C10orf71: variants seen among roughly 807,000 people sequenced by gnomAD.
The protein encoded by C10orf71 is cardiac-enriched FHL2-interacting protein.
For synonymous variants in C10orf71, 758 were observed against 726.3 expected, an observed-to-expected ratio of 1.04 and a Z score of -0.70; for missense variants, 1,869 against 1,804.5, an observed-to-expected ratio of 1.04 and a Z score of -0.65.
Position 49,323,090 on chromosome 10 carries a change from A to T in C10orf71, c.545A>T (p.Asn182Ile). 1 of 1,614,032 alleles carries T rather than the reference A, an allele frequency of 6.2e-7. No individual in the cohort carries two copies. Among genetic ancestry groups the T allele is most frequent in the Non-Finnish European group, 8.5e-7 (1 of 1,179,896 alleles). Reference sequence around the variant, plus strand: ...CCCAAATTCGCTCCTCTTCCAGAAAACAGTGTCAACTTCTGCTTCGATTCT... The same window carrying T: ...CCCAAATTCGCTCCTCTTCCAGAAATCAGTGTCAACTTCTGCTTCGATTCT... ...NPPKFAPLPE[N>I]SVNFCFDSAF... The change falls in exon 3 of 3, where the codon AAC becomes ATC. Residue 182 changes from asparagine (N) to isoleucine (I), a missense_variant. Coordinates refer to ENST00000374144, the MANE Select transcript of C10orf71 (RefSeq NM_001135196.2).
At chr10:49,319,422 T>G (rs1849053303) in intron 2 of C10orf71, among the ~76,000 whole-genome samples, 1 of 151,412 alleles carries the variant, frequency 6.6e-6, no homozygotes, top group Non-Finnish European at 1.5e-5. Context: ...TTGGTTGAAA[T>G]GAAAATTGGT....
rs1554859397 is a variant in C10orf71 at position 49,319,731 on chromosome 10, T to TATAC, written c.-144-2669_-144-2666dup. On this transcript the variant is annotated intron_variant, in intron 2 of 2. Coordinates refer to ENST00000374144, the MANE Select transcript of C10orf71 (RefSeq NM_001135196.2). ...ATATATATATATATATATATATATATATACACATACATATATGTGGGTGTA... is the reference window on the plus strand; with the variant it reads ...ATATATATATATATATATATATATATATACATACACATACATATATGTGGGTGTA... Among the ~76,000 whole-genome samples, 117 of 119,062 alleles carry TATAC rather than the reference T, an allele frequency of 9.8e-4. 3 individuals are homozygous for TATAC. Among genetic ancestry groups the TATAC allele is most frequent in the East Asian group, 6.0e-3 (22 of 3,662 alleles). 78.1% of individuals were successfully genotyped at this position (119,062 alleles called of 152,430 possible). A position where few individuals can be genotyped will look rare whatever the true frequency, so the allele number is the denominator to read the frequency against.
chr10:49,322,272 C>T, intron 2 of C10orf71, 130 bp from the exon 3 acceptor site: 1 of 383,196 alleles, frequency 2.6e-6, no homozygotes, highest in Non-Finnish European at 4.7e-6. Context: ...ACAGTCTATA[C>T]ATATAGCAAG....
In C10orf71 at chr10:49,326,133, G is replaced by A; in HGVS notation, c.3588G>A (p.Gln1196=). The change falls in exon 3 of 3, where the codon CAG becomes CAA. Residue 1196 remains glutamine (Q), a synonymous_variant. Transcript: ENST00000374144. ...CAAGTAAGAGGAGGAAGACGGATCA[G>A]GCTCAGGAGAAGCATGGCGAGTCAC... ...KLASKRRKTD[Q]AQEKHGESQE... is the part of the protein sequence containing the mutation. The A allele has an allele frequency of 6.4e-7, 1 of 1,551,710 alleles. No individual in the cohort carries two copies. Among genetic ancestry groups the A allele is most frequent in the Non-Finnish European group, 8.7e-7 (1 of 1,146,992 alleles).
In C10orf71 at chr10:49,325,450, C is replaced by G; in HGVS notation, c.2905C>G (p.Arg969Gly). The G allele has an allele frequency of 1.9e-6, 3 of 1,549,778 alleles. No homozygotes were observed. The highest frequency in any genetic ancestry group is 2.6e-6 in the Non-Finnish European group (3 of 1,145,626). The stretch of plus-strand genomic sequence containing the variant: ...TATGCCTCTGGTGGGAGAGGGGGAC[C>G]GGGTGAAGGCACCACCAGATGCTGC... ...PSMPLVGEGD[R>G]VKAPPDAAPG... is the part of the protein sequence containing the mutation. Residue 969 changes from arginine to glycine, a missense_variant, in exon 3 of 3, where the codon CGG (arginine) becomes GGG (glycine). Transcript: ENST00000374144.
At chr10:49,313,170 G>T (rs1428127023) in intron 1 of C10orf71, among the ~76,000 whole-genome samples, 2 of 152,160 alleles carry the variant, frequency 1.3e-5, no homozygotes, top group Non-Finnish European at 2.9e-5. Flanking sequence ...CCATGATAAA[G>T]GGATGTAACG....
Position 49,324,343 on chromosome 10 carries a change from G to A in C10orf71, c.1798G>A (p.Ala600Thr), listed in dbSNP as rs992105882. 2.0e-5 allele frequency: 33 copies of A among 1,613,770 alleles called. No individual in the cohort carries two copies. The highest frequency in any genetic ancestry group is 2.8e-5 in the Non-Finnish European group (33 of 1,179,854). Residue 600 changes from alanine to threonine, a missense_variant, in exon 3 of 3, where the codon GCC becomes ACC. By Grantham distance (58) the Ala-to-Thr change is moderately conservative. Transcript: ENST00000374144. ...TLSTAPTIAK[A>T]PFYVNGEAAE... The stretch of plus-strand genomic sequence containing the variant: ...TAGCACAGCTCCGACTATCGCCAAA[G>A]CCCCCTTCTATGTCAATGGGGAGGC...
chr10:49,325,212 C>A lies in C10orf71; in HGVS notation c.2667C>A (p.His889Gln), dbSNP rs1849198769. The A allele has an allele frequency of 6.4e-7, 1 of 1,552,006 alleles. No homozygotes were observed. Among genetic ancestry groups the A allele is most frequent in the African/African-American group, 1.4e-5 (1 of 73,176 alleles). ...TGGAGGACTCCCTCAGCAGTGGCCACAAAGAGGAGGAATTGCCAAGGCCAG... is the reference window on the plus strand; with the variant it reads ...TGGAGGACTCCCTCAGCAGTGGCCAAAAAGAGGAGGAATTGCCAAGGCCAG... ...MSLEDSLSSG[H>Q]KEEELPRPEW... Residue 889 changes from histidine to glutamine, a missense_variant, in exon 3 of 3, where the codon CAC becomes CAA. Coordinates refer to ENST00000374144, the MANE Select transcript of C10orf71 (RefSeq NM_001135196.2).
At chr10:49,302,421 C>T (rs1590321538) in intron 1 of C10orf71, among the ~76,000 whole-genome samples, 1 of 152,158 alleles carries the variant, frequency 6.6e-6, no homozygotes, top group South Asian at 2.1e-4. Flanking sequence ...CCACTAGATG[C>T]AAGCCATTTC....
intron 1 of C10orf71, among the ~76,000 whole-genome samples, chr10:49,301,250 G>T (rs1465633781): frequency 6.6e-6 from 1 of 152,202 alleles, no homozygotes; most frequent in Non-Finnish European, 1.5e-5. Context: ...CAGGGCTGCT[G>T]CTCCCCAACA....
intron 2 of C10orf71, among the ~76,000 whole-genome samples, chr10:49,316,587 A>C (rs1184162023): frequency 6.6e-6 from 1 of 152,218 alleles, no homozygotes; most frequent in African/African-American, 2.4e-5. Flanking sequence ...GAAACTCAAC[A>C]AATGAGGCAG....
intron 1 of C10orf71, among the ~76,000 whole-genome samples, chr10:49,315,941 A>C (rs1474331363): frequency 2.6e-5 from 4 of 152,200 alleles, no homozygotes; most frequent in Admixed American, 1.3e-4. Context: ...CTGTAATCCC[A>C]GCTACTTGGG....
chr10:49,323,864 C>T lies in C10orf71; in HGVS notation c.1319C>T (p.Pro440Leu). 2 of 1,613,786 alleles carry T rather than the reference C, an allele frequency of 1.2e-6. No homozygotes were observed. Among genetic ancestry groups the T allele is most frequent in the Non-Finnish European group, 1.7e-6 (2 of 1,179,848 alleles). ...GAACCCAATGAACATTATGATCCCC[C>T]CTTTAACATCAGTAAGCTCCTGACC... Reference protein sequence around the residue: ...PVEPNEHYDPPFNISKLLTPI... With the variant: ...PVEPNEHYDPLFNISKLLTPI... The change falls in exon 3 of 3, where the codon CCC becomes CTC. Residue 440 changes from proline (P) to leucine (L), a missense_variant. By Grantham distance (98) the Pro-to-Leu change is moderately conservative (BLOSUM62 -3). Coordinates refer to ENST00000374144, the MANE Select transcript of C10orf71 (RefSeq NM_001135196.2).
Position 49,326,613 on chromosome 10 carries a change from C to G in C10orf71, c.4068C>G (p.Ser1356=), listed in dbSNP as rs1480264916. ...CGCTGCGCTGCTCCTCTCAGCTCTC[C>G]GCGCCCACCTTCCTCAGGCAGGGCC... ...LMPLRCSSQL[S]APTFLRQGPR... is the part of the protein sequence containing the mutation. The change falls in exon 3 of 3, where the codon TCC becomes TCG. Residue 1356 remains serine (S), a synonymous_variant. Transcript: ENST00000374144. 1.3e-6 allele frequency: 2 copies of G among 1,550,250 alleles called. No individual in the cohort carries two copies. The highest frequency in any genetic ancestry group is 1.7e-6 in the Non-Finnish European group (2 of 1,146,838).
intron 1 of C10orf71, among the ~76,000 whole-genome samples, chr10:49,306,898 G>GT (rs1848823943): frequency 6.6e-6 from 1 of 152,224 alleles, no homozygotes; most frequent in Non-Finnish European, 1.5e-5. Flanking sequence ...TGGCCTGGCA[G>GT]TGGGGGTGGC....
intron 2 of C10orf71, among the ~76,000 whole-genome samples, chr10:49,318,595 AG>A (rs1267807087): frequency 6.6e-6 from 1 of 152,218 alleles, no homozygotes; most frequent in Admixed American, 6.5e-5. Context: ...GAAACCAGTC[AG>A]TCTGCCAATG....
rs1361847012 is a variant in C10orf71 at position 49,324,361 on chromosome 10, G to A, written c.1816G>A (p.Gly606Arg). The part of the protein sequence containing the change: ...TIAKAPFYVN[G>R]EAAERSSYEN... Reference sequence around the variant, plus strand: ...CGCCAAAGCCCCCTTCTATGTCAATGGGGAGGCTGCTGAGAGAAGCAGTTA... The same window carrying A: ...CGCCAAAGCCCCCTTCTATGTCAATAGGGAGGCTGCTGAGAGAAGCAGTTA... The change falls in exon 3 of 3, where the codon GGG becomes AGG. Residue 606 changes from glycine to arginine, a missense_variant. Coordinates refer to ENST00000374144, the MANE Select transcript of C10orf71 (RefSeq NM_001135196.2). The A allele has an allele frequency of 6.2e-7, 1 of 1,613,810 alleles. No individual in the cohort carries two copies. Among genetic ancestry groups the A allele is most frequent in the Non-Finnish European group, 8.5e-7 (1 of 1,179,828 alleles).
Position 49,322,977 on chromosome 10 carries a change from A to G in C10orf71, c.432A>G (p.Ser144=). ...GCAATAAGCCTGTCTCCAAAGTATC[A>G]ACACTAATTAAATCTTTCGACAGGA... ...RSSNKPVSKV[S]TLIKSFDRTE... The change falls in exon 3 of 3, where the codon TCA becomes TCG. Residue 144 remains serine, a synonymous_variant. Transcript: ENST00000374144. The G allele has an allele frequency of 1.9e-6, 3 of 1,614,010 alleles. No individual in the cohort carries two copies. The highest frequency in any genetic ancestry group is 2.5e-6 in the Non-Finnish European group (3 of 1,179,890).
At position 49,327,452 on chromosome 10, in the gene C10orf71, C is replaced by T. The variant is rs1318159177; in HGVS notation, c.*599C>T. 2 of 172,952 alleles carry T rather than the reference C, an allele frequency of 1.2e-5. No homozygotes were observed. Among genetic ancestry groups the T allele is most frequent in the African/African-American group, 4.8e-5 (2 of 41,528 alleles). 10.7% of individuals were successfully genotyped at this position (172,952 alleles called of 1,614,324 possible). A position where few individuals can be genotyped will look rare whatever the true frequency, so the allele number is the denominator to read the frequency against. On this transcript the variant is annotated 3_prime_UTR_variant, in exon 3 of 3. Coordinates refer to ENST00000374144, the MANE Select transcript of C10orf71 (RefSeq NM_001135196.2). ...TATTTTCTGATCAAGAAAAGGCCCA[C>T]TTTTTAAAAAGTGAAACAAGTTTGC...
Sources: allele counts gnomAD v4.1 joint callset (sites outside exome capture counted in the v4.1 genomes callset), GRCh38; gene constraint gnomAD v4.1.1; transcripts MANE v1.5; gene names NCBI Gene and HGNC (gene_info 2026-07-23, HGNC 2026-07-21).